WWOX: variants seen among roughly 807,000 people sequenced by gnomAD.
WWOX encodes WW domain-containing oxidoreductase.
WWOX carries 69 observed loss-of-function variants against 46.2 expected under a neutral mutation model. The observed-to-expected ratio is 1.49, with a 90% CI of 1.23 to 1.82. WWOX has a LOEUF of 1.82. WWOX is among the 40% of genes most tolerant of loss of function. The pLI, the probability that WWOX is intolerant of heterozygous loss-of-function variation, is 0.00. For missense variants in WWOX, 919 were observed against 542.6 expected (o/e 1.69, Z -6.89); for synonymous variants, 359 against 202.6 (o/e 1.77, Z -6.56).
intron 8 of WWOX, among the ~76,000 whole-genome samples, chr16:78,569,970 G>A (rs189221020): frequency 3.9e-5 from 6 of 152,274 alleles, no homozygotes; most frequent in African/African-American, 7.2e-5. Context: ...GATAAGAGAT[G>A]GTTTCCATCC....
intron 5 of WWOX, among the ~76,000 whole-genome samples, chr16:78,364,635 T>G (rs1169841255): frequency 1.5e-5 from 2 of 129,584 alleles, no homozygotes; most frequent in African/African-American, 5.9e-5. Context: ...CAGCTGACAT[T>G]TATCAGCCTG....
intron 8 of WWOX, among the ~76,000 whole-genome samples, chr16:78,632,743 A>T (rs1033296147): frequency 3.3e-5 from 5 of 151,226 alleles, no homozygotes; most frequent in Non-Finnish European, 7.4e-5. Flanking sequence ...TTTTTAGTAG[A>T]GTTGGGATTT....
intron 5 of WWOX, among the ~76,000 whole-genome samples, chr16:78,365,742 T>C (rs2151916795): frequency 6.6e-6 from 1 of 150,402 alleles, no homozygotes; most frequent in South Asian, 2.1e-4. Flanking sequence ...TATTTCTTGT[T>C]TTTTGTTCTT....
At chr16:78,555,562 C>T (rs1243736962) in intron 8 of WWOX, among the ~76,000 whole-genome samples, 3 of 148,886 alleles carry the variant, frequency 2.0e-5, no homozygotes, top group Non-Finnish European at 4.4e-5. Context: ...GCCAGTACCA[C>T]ATTCCCCACT....
chr16:78,187,526 C>T (rs935472457), intron 5 of WWOX, among the ~76,000 whole-genome samples: 3 of 152,198 alleles, frequency 2.0e-5, no homozygotes, highest in Non-Finnish European at 4.4e-5. Flanking sequence ...TTGCTTGAAC[C>T]GCGGAGGCAG....
rs991291004 is a variant in WWOX at position 79,211,959 on chromosome 16, A to C, written c.*163A>C. 6.5e-7 allele frequency: 1 copy of C among 1,536,060 alleles called. No homozygotes were observed. Among genetic ancestry groups the C allele is most frequent in the African/African-American group, 1.4e-5 (1 of 72,784 alleles). Reference sequence around the variant, plus strand: ...GTGAAAAATCTTAAGTACCAATGGGAAGCAGGGAATTCCTGGGGTAAAGTA... The same window carrying C: ...GTGAAAAATCTTAAGTACCAATGGGCAGCAGGGAATTCCTGGGGTAAAGTA... On this transcript the variant is annotated 3_prime_UTR_variant, in exon 9 of 9. Coordinates refer to ENST00000566780, the MANE Select transcript of WWOX (RefSeq NM_016373.4).
chr16:78,798,636 G>A (rs1021532597), intron 8 of WWOX, among the ~76,000 whole-genome samples: 2 of 149,006 alleles, frequency 1.3e-5, no homozygotes, highest in East Asian at 2.0e-4. Flanking sequence ...TTTCCATATA[G>A]GTTTTTCTCG....
At chr16:78,625,030 C>G (rs1189361854) in intron 8 of WWOX, among the ~76,000 whole-genome samples, 1 of 152,176 alleles carries the variant, frequency 6.6e-6, no homozygotes, top group South Asian at 2.1e-4. Flanking sequence ...AAGAGCCTGT[C>G]TTTGGGAAGA....
chr16:78,797,358 T>TAAAAAAAAAAAAAAA (rs57291441), intron 8 of WWOX, among the ~76,000 whole-genome samples: 15 of 116,614 alleles, frequency 1.3e-4, no homozygotes, highest in African/African-American at 5.7e-4. Context: ...GTCAAAGTGG[T>TAAAAAAAAAAAAAAA]AAAAAAAAAA....
rs572858903 is a variant in WWOX at position 78,162,587 on chromosome 16, C to T, written c.410-1596C>T. On this transcript the variant is annotated intron_variant, in intron 4 of 8. Coordinates refer to ENST00000566780, the MANE Select transcript of WWOX (RefSeq NM_016373.4). ...ATACATATACATGTCAACACATACA[C>T]ATACATATTTCTGCTTATGGCTCAG... Among the ~76,000 whole-genome samples the T allele has an allele frequency of 3.3e-5, 5 of 152,166 alleles. No homozygotes were observed. The South Asian group carries it at 1.0e-3, about 32-fold the overall frequency.
intron 8 of WWOX, among the ~76,000 whole-genome samples, chr16:78,651,286 G>A (rs975983404): frequency 5.9e-5 from 9 of 152,252 alleles, no homozygotes; most frequent in African/African-American, 1.2e-4. Context: ...GTGAGTGCGA[G>A]CGAGAGAGCC....
chr16:79,036,479 AC>A (rs1263883909), intron 8 of WWOX, among the ~76,000 whole-genome samples: 1 of 152,030 alleles, frequency 6.6e-6, no homozygotes, highest in African/African-American at 2.4e-5. Flanking sequence ...CCTTTGACAA[AC>A]CCTCCTATGG....
At chr16:78,312,129 G>C (rs12922419) in intron 5 of WWOX, among the ~76,000 whole-genome samples, 8,386 of 152,166 alleles carry the variant, frequency 0.055, 381 homozygotes, top group East Asian at 0.11. Flanking sequence ...GGACCCTTGT[G>C]ATTTCATTGG....
chr16:78,668,691 A>AT (rs2047390228), intron 8 of WWOX, among the ~76,000 whole-genome samples: 1 of 152,124 alleles, frequency 6.6e-6, no homozygotes. Flanking sequence ...CAGGCATCAG[A>AT]TGGGCTTTGG....
chr16:78,653,902 C>G (rs536207175), intron 8 of WWOX, among the ~76,000 whole-genome samples: 3 of 152,192 alleles, frequency 2.0e-5, no homozygotes, highest in Admixed American at 6.5e-5. Context: ...CAGGACACAT[C>G]TCTAATCACG....
chr16:78,821,409 A>G (rs1184518034), intron 8 of WWOX, among the ~76,000 whole-genome samples: 1 of 152,072 alleles, frequency 6.6e-6, no homozygotes, highest in South Asian at 2.1e-4. Context: ...TGCTCACCAC[A>G]TGGCTTCTCA....
At chr16:78,379,409 G>A (rs2081903548) in intron 5 of WWOX, among the ~76,000 whole-genome samples, 1 of 152,118 alleles carries the variant, frequency 6.6e-6, no homozygotes, top group African/African-American at 2.4e-5. Flanking sequence ...TACAATGGAG[G>A]CCACGTTCAA....
At position 78,733,895 on chromosome 16, in the gene WWOX, A is replaced by G. The variant is rs994117085; in HGVS notation, c.1056+301143A>G. Among the ~76,000 whole-genome samples, 9 of 152,130 alleles carry G rather than the reference A, an allele frequency of 5.9e-5. No individual in the cohort carries two copies. In the South Asian group the frequency reaches 1.7e-3, roughly 28 times the overall value. Reference sequence around the variant, plus strand: ...AACCTGGACAACGTACAGAGACCTCATCTCTACAAAAAATAAAACAGCTAG... The same window carrying G: ...AACCTGGACAACGTACAGAGACCTCGTCTCTACAAAAAATAAAACAGCTAG... On this transcript the variant is annotated intron_variant, in intron 8 of 8. Transcript: ENST00000566780.
chr16:78,409,456 G>A (rs1209324725), intron 6 of WWOX, among the ~76,000 whole-genome samples: 1 of 152,052 alleles, frequency 6.6e-6, no homozygotes, highest in Non-Finnish European at 1.5e-5. Flanking sequence ...TACATAAACA[G>A]AAATATTCTG....
Sources: gnomAD v4.1 joint callset for allele counts (sites outside exome capture counted in the v4.1 genomes callset) on GRCh38, gnomAD v4.1.1 for gene constraint, MANE v1.5 for transcripts, NCBI Gene and HGNC (gene_info 2026-07-23, HGNC 2026-07-21) for gene names.